OR1D2: variants seen among roughly 807,000 people sequenced by gnomAD.
OR1D2 encodes olfactory receptor family 1 subfamily D member 2, also known as olfactory receptor 1D2.
For synonymous variants in OR1D2, 157 were observed against 153.9 expected (o/e 1.02, Z -0.15); for missense variants, 357 against 376.1 (o/e 0.95, Z 0.42).
chr17:3,098,822 G>C (rs1364695710), intron 1 of OR1D2, among the ~76,000 whole-genome samples: 1 of 152,148 alleles, frequency 6.6e-6, no homozygotes, highest in Non-Finnish European at 1.5e-5. Flanking sequence ...AATCAGTTTA[G>C]AGACGAACAT....
chr17:3,092,301 A>G lies in OR1D2; in HGVS notation c.696T>C (p.Ser232=). 1 of 1,614,218 alleles carries G rather than the reference A, an allele frequency of 6.2e-7. No homozygotes were observed. Among genetic ancestry groups the G allele is most frequent in the Non-Finnish European group, 8.5e-7 (1 of 1,180,030 alleles). The change falls in exon 2 of 2, where the codon TCT becomes TCC. Residue 232 remains serine, a synonymous_variant. Coordinates refer to ENST00000641833, the MANE Select transcript of OR1D2 (RefSeq NM_002548.3). The part of the protein sequence containing the change: ...IRAILRIPSV[S]KKYKAFSTCA... ...AGGTGGAGAAGGCTTTGTATTTCTT[A>G]GAGACTGAGGGTATTCTGAGGATGG...
intron 1 of OR1D2, among the ~76,000 whole-genome samples, chr17:3,093,578 C>G (rs530600815): frequency 6.6e-6 from 1 of 152,000 alleles, no homozygotes; most frequent in Non-Finnish European, 1.5e-5. Context: ...TTTCTTCATG[C>G]GAATCATGAG....
chr17:3,097,868 A>G (rs1160229704), intron 1 of OR1D2, among the ~76,000 whole-genome samples: 1 of 152,160 alleles, frequency 6.6e-6, no homozygotes, highest in Non-Finnish European at 1.5e-5. Flanking sequence ...ACTTGGTCCC[A>G]AAATGTGTCC....
intron 1 of OR1D2, among the ~76,000 whole-genome samples, chr17:3,099,763 T>G (rs925004287): frequency 6.6e-6 from 1 of 152,110 alleles, no homozygotes; most frequent in South Asian, 2.1e-4. Flanking sequence ...ATCAGAGTGC[T>G]GTATTCAGGA....
At chr17:3,097,591 C>G (rs1009129004) in intron 1 of OR1D2, among the ~76,000 whole-genome samples, 2 of 152,166 alleles carry the variant, frequency 1.3e-5, no homozygotes, top group African/African-American at 4.8e-5. Flanking sequence ...GCCTAGGGTA[C>G]CAACCCCAGA....
At position 3,088,653 on chromosome 17, in the gene OR1D2, A is replaced by G. The variant is rs2151705765; in HGVS notation, c.*3405T>C. 6.5e-6 allele frequency: 1 copy of G among 154,546 alleles called. No individual in the cohort carries two copies. The highest frequency in any genetic ancestry group is 2.1e-4 in the South Asian group (1 of 4,818). 9.6% of individuals were successfully genotyped at this position (154,546 alleles called of 1,614,324 possible). On this transcript the variant is annotated 3_prime_UTR_variant, in exon 2 of 2. Coordinates refer to ENST00000641833, the MANE Select transcript of OR1D2 (RefSeq NM_002548.3). The stretch of plus-strand genomic sequence containing the variant: ...TACGTGACTGGGGGCTGCATGCACC[A>G]GTAATCAGAACAAAACAGAACAGGA...
At chr17:3,095,468 A>T (rs772798481) in intron 1 of OR1D2, among the ~76,000 whole-genome samples, 31 of 152,186 alleles carry the variant, frequency 2.0e-4, no homozygotes, top group Non-Finnish European at 4.0e-4. Context: ...ACAAAAACAC[A>T]GAAAATTTTT....
At position 3,092,101 on chromosome 17, in the gene OR1D2, G is replaced by C. The variant is rs1180609015; in HGVS notation, c.896C>G (p.Ala299Gly). ...GTGTTTATCTAGGAGTCTTCCCAGA[G>C]CCCCATGCATGTCCTTGTTCCTCAG... ...YSLRNKDMHGALGRLLDKHFK... is the reference protein window; with the variant it reads ...YSLRNKDMHGGLGRLLDKHFK... Residue 299 changes from alanine (A) to glycine (G), a missense_variant, in exon 2 of 2, where the codon GCT becomes GGT. Ala to Gly is a moderately conservative substitution (Grantham distance 60, BLOSUM62 0). Transcript: ENST00000641833. 4 of 1,613,870 alleles carry C rather than the reference G, an allele frequency of 2.5e-6. No individual in the cohort carries two copies. The highest frequency in any genetic ancestry group is 1.7e-5 in the Admixed American group (1 of 59,998).
chr17:3,097,842 C>T (rs1295633956), intron 1 of OR1D2, among the ~76,000 whole-genome samples: 1 of 152,180 alleles, frequency 6.6e-6, no homozygotes, highest in East Asian at 1.9e-4. Context: ...CCTGCCGGAG[C>T]CTGGGAGACT....
intron 1 of OR1D2, among the ~76,000 whole-genome samples, chr17:3,094,320 G>T (rs1331300056): frequency 6.6e-6 from 1 of 152,066 alleles, no homozygotes; most frequent in African/African-American, 2.4e-5. Flanking sequence ...ATACTATAGT[G>T]TGCCTTTTTT....
At chr17:3,097,203 C>G (rs566396020) in intron 1 of OR1D2, among the ~76,000 whole-genome samples, 1 of 152,222 alleles carries the variant, frequency 6.6e-6, no homozygotes, top group South Asian at 2.1e-4. Context: ...ACAGTAGTCT[C>G]GAATGATCTT....
intron 1 of OR1D2, among the ~76,000 whole-genome samples, chr17:3,102,085 A>C (rs1277491778): frequency 6.6e-6 from 1 of 152,218 alleles, no homozygotes; most frequent in African/African-American, 2.4e-5. Flanking sequence ...ATTACTGTAC[A>C]TATTATTGCA....
In OR1D2 at chr17:3,104,090, T is replaced by G. The variant is rs993130793; in HGVS notation, c.-51+9A>C. On this transcript the variant is annotated intron_variant, in intron 1 of 1. Coordinates refer to ENST00000641833, the MANE Select transcript of OR1D2 (RefSeq NM_002548.3). ...AGGGAGAAAGAGCATGAGGCTGAGA[T>G]GTACAGACCTTACCCACTGCTCTGT... 3.9e-5 allele frequency: 6 copies of G among 152,130 alleles called. No individual in the cohort carries two copies. The highest frequency in any genetic ancestry group is 1.2e-4 in the African/African-American group (5 of 41,412). The allele number at this position is 152,130 out of a possible 1,614,324, so 9.4% of individuals were successfully genotyped here. A position where few individuals can be genotyped will look rare whatever the true frequency, so the allele number is the denominator to read the frequency against.
At chr17:3,095,832 G>A (rs1422317127) in intron 1 of OR1D2, among the ~76,000 whole-genome samples, 3 of 151,986 alleles carry the variant, frequency 2.0e-5, no homozygotes, top group African/African-American at 4.8e-5. Context: ...ACAGCATAAA[G>A]GAGCTGGGTG....
intron 1 of OR1D2, among the ~76,000 whole-genome samples, chr17:3,097,893 C>T (rs1280800472): frequency 6.6e-6 from 1 of 152,204 alleles, no homozygotes; most frequent in Admixed American, 6.5e-5. Flanking sequence ...CAGCCCAACA[C>T]ACCCCTATGG....
At chr17:3,103,943 A>G (rs1567950653) in intron 1 of OR1D2, among the ~76,000 whole-genome samples, 156 bp downstream of exon 1, 1 of 152,158 alleles carries the variant, frequency 6.6e-6, no homozygotes, top group Non-Finnish European at 1.5e-5. Flanking sequence ...GATTCAAGGG[A>G]TTGTTCTATT....
At position 3,091,579 on chromosome 17, in the gene OR1D2, T is replaced by C. The variant is rs1186252144; in HGVS notation, c.*479A>G. The C allele has an allele frequency of 6.2e-6, 1 of 160,912 alleles. No homozygotes were observed. Among genetic ancestry groups the C allele is most frequent in the African/African-American group, 2.4e-5 (1 of 41,530 alleles). The allele number at this position is 160,912 out of a possible 1,614,324, so 10.0% of individuals were successfully genotyped here. ...TAGAATGAGTTGATGAATGACTGCA[T>C]GAATGTCAAATGAATTGAACACCAC... On this transcript the variant is annotated 3_prime_UTR_variant, in exon 2 of 2. Transcript: ENST00000641833.
chr17:3,093,777 C>T (rs537955585), intron 1 of OR1D2, among the ~76,000 whole-genome samples: 12 of 152,008 alleles, frequency 7.9e-5, no homozygotes, highest in South Asian at 2.1e-4. Context: ...AAGAATCAGG[C>T]GAAACCTTCA....
Position 3,092,329 on chromosome 17 carries a change from C to T in OR1D2, c.668G>A (p.Arg223Lys). ...GACTGAGGGTATTCTGAGGATGGCT[C>T]TGATAATCAGCACATAGGAAATGAT... ...FVIISYVLII[R>K]AILRIPSVSK... The change falls in exon 2 of 2, where the codon AGA becomes AAA. Residue 223 changes from arginine to lysine, a missense_variant. Coordinates refer to ENST00000641833, the MANE Select transcript of OR1D2 (RefSeq NM_002548.3). 6.2e-7 allele frequency: 1 copy of T among 1,614,120 alleles called. No homozygotes were observed. Among genetic ancestry groups the T allele is most frequent in the African/African-American group, 1.3e-5 (1 of 75,006 alleles).
Sources: gnomAD v4.1 joint callset for allele counts (sites outside exome capture counted in the v4.1 genomes callset) on GRCh38, gnomAD v4.1.1 for gene constraint, MANE v1.5 for transcripts, NCBI Gene and HGNC (gene_info 2026-07-23, HGNC 2026-07-21) for gene names.